Variants in CTNNA2 observed in about 807,000 individuals in gnomAD.
CTNNA2 encodes catenin alpha 2.
Under a neutral mutation model 101.0 loss-of-function variants are expected in CTNNA2, and 42 were observed. The observed-to-expected ratio is 0.42, with a 90% confidence interval of 0.32 to 0.54. CTNNA2 has a LOEUF of 0.54. Among genes scored for constraint, CTNNA2 ranks in the 20% least tolerant of loss-of-function variants. The probability of loss-of-function intolerance (pLI) is 0.14; values close to 1 mark genes in which losing one functional copy is unlikely to be tolerated. For missense variants in CTNNA2, 871 were observed against 1,223.1 expected, an observed-to-expected ratio of 0.71 and a Z score of 4.29; for synonymous variants, 450 against 456.4, an observed-to-expected ratio of 0.99 and a Z score of 0.18.
rs146747686 is a variant in CTNNA2 at position 79,807,426 on chromosome 2, A to G, written c.299-50587A>G. Among the ~76,000 whole-genome samples, 70 of 152,128 alleles carry G rather than the reference A, an allele frequency of 4.6e-4. 1 individual carries two copies. The highest frequency in any genetic ancestry group is 1.7e-3 in the African/African-American group (69 of 41,546). On this transcript the variant is annotated intron_variant, in intron 3 of 18. Coordinates refer to ENST00000402739, the MANE Select transcript of CTNNA2 (RefSeq NM_001282597.3). The stretch of plus-strand genomic sequence containing the variant: ...CTTTTTCCAAAATCTTCATTTTTTC[A>G]TATTAAAAACATATTTCTGCATCTT...
intron 4 of CTNNA2, among the ~76,000 whole-genome samples, chr2:79,384,017 T>A (rs938934274): frequency 6.6e-6 from 1 of 152,088 alleles, no homozygotes; most frequent in African/African-American, 2.4e-5. Context: ...GGGAAGGACG[T>A]AGAGAAATTG....
intron 7 of CTNNA2, among the ~76,000 whole-genome samples, chr2:79,986,621 A>G (rs1691783085): frequency 6.6e-6 from 1 of 152,130 alleles, no homozygotes; most frequent in Admixed American, 6.6e-5. Context: ...ACACTTCCAA[A>G]ATCACTGCCA....
intron 3 of CTNNA2, among the ~76,000 whole-genome samples, chr2:79,835,072 T>C (rs1183451753): frequency 6.6e-6 from 1 of 152,164 alleles, no homozygotes. Context: ...TTAATAAATA[T>C]TGATATCTAT....
At chr2:79,929,343 A>T (rs575119713) in intron 7 of CTNNA2, among the ~76,000 whole-genome samples, 1 of 152,314 alleles carries the variant, frequency 6.6e-6, no homozygotes, top group South Asian at 2.1e-4. Context: ...CTGCCTTCAA[A>T]TATTTAAAGA....
intron 2 of CTNNA2, among the ~76,000 whole-genome samples, chr2:79,677,203 G>T (rs188088933): frequency 1.3e-5 from 2 of 152,176 alleles, no homozygotes; most frequent in Non-Finnish European, 2.9e-5. Flanking sequence ...ACAGGGACAA[G>T]TTCCTGGGAC....
chr2:80,642,835 A>T (rs1673638806), intron 18 of CTNNA2, among the ~76,000 whole-genome samples: 2 of 152,186 alleles, frequency 1.3e-5, no homozygotes. Context: ...AAATGGAAGA[A>T]TCACAATTCA....
At chr2:79,666,406 C>A (rs546590164) in intron 2 of CTNNA2, among the ~76,000 whole-genome samples, 1 of 152,256 alleles carries the variant, frequency 6.6e-6, no homozygotes, top group South Asian at 2.1e-4. Context: ...TTATTAATAG[C>A]AGAATTTGTG....
At chr2:79,975,723 A>G (rs763142403) in intron 7 of CTNNA2, among the ~76,000 whole-genome samples, 6 of 152,238 alleles carry the variant, frequency 3.9e-5, no homozygotes, top group Admixed American at 1.3e-4. Context: ...AAAGATACAG[A>G]TGAATAACCA....
intron 9 of CTNNA2, among the ~76,000 whole-genome samples, chr2:80,427,905 G>T (rs13386215): frequency 0.014 from 2,158 of 152,334 alleles, 39 homozygotes; most frequent in East Asian, 0.074. Flanking sequence ...CATGGGACAT[G>T]CATTCTCTTG....
intron 7 of CTNNA2, among the ~76,000 whole-genome samples, chr2:80,392,724 T>A (rs754122361): frequency 1.3e-5 from 2 of 152,248 alleles, no homozygotes; most frequent in Non-Finnish European, 2.9e-5. Context: ...AAGCATCTCT[T>A]TTGAATTTGA....
intron 4 of CTNNA2, among the ~76,000 whole-genome samples, chr2:79,395,543 A>T (rs1485099184): frequency 6.6e-6 from 1 of 152,192 alleles, no homozygotes; most frequent in Non-Finnish European, 1.5e-5. Context: ...ATGTTGCCTT[A>T]GCACCCTATG....
intron 7 of CTNNA2, among the ~76,000 whole-genome samples, chr2:80,023,965 T>C (rs924779182): frequency 1.6e-4 from 24 of 151,742 alleles, no homozygotes; most frequent in African/African-American, 5.8e-4. Flanking sequence ...TGGGCGCCTG[T>C]AGTCCCAGCT....
rs943380981 is a variant in CTNNA2 at position 80,001,114 on chromosome 2, T to G, written c.1056+91317T>G. On this transcript the variant is annotated intron_variant, in intron 7 of 18. Coordinates refer to ENST00000402739, the MANE Select transcript of CTNNA2 (RefSeq NM_001282597.3). ...TGCTTGATTTCCATTTACACACAACTTTTTTTTGTATATTTGTTTATGTGT... is the reference window on the plus strand; with the variant it reads ...TGCTTGATTTCCATTTACACACAACGTTTTTTTGTATATTTGTTTATGTGT... Among the ~76,000 whole-genome samples, 14 of 152,182 alleles carry G rather than the reference T, an allele frequency of 9.2e-5. No individual in the cohort carries two copies. In the Middle Eastern group the frequency reaches 0.01, roughly 111 times the overall value.
intron 5 of CTNNA2, among the ~76,000 whole-genome samples, chr2:79,870,724 A>C (rs1020372696): frequency 6.6e-6 from 1 of 152,160 alleles, no homozygotes; most frequent in Non-Finnish European, 1.5e-5. Flanking sequence ...CCTTCTTCAC[A>C]AGGTGGCAGG....
chr2:79,752,541 G>A (rs1402452618), intron 3 of CTNNA2, among the ~76,000 whole-genome samples: 1 of 152,226 alleles, frequency 6.6e-6, no homozygotes, highest in African/African-American at 2.4e-5. Flanking sequence ...AATAATTGAT[G>A]TAGGTAGGAA....
chr2:80,605,893 AC>A (rs1030687400), intron 16 of CTNNA2, among the ~76,000 whole-genome samples: 5 of 151,942 alleles, frequency 3.3e-5, no homozygotes, highest in African/African-American at 1.2e-4. Flanking sequence ...TTGAGTGTTA[AC>A]CCATTGCTAT....
chr2:80,134,163 T>C (rs959638236), intron 7 of CTNNA2, among the ~76,000 whole-genome samples: 3 of 152,132 alleles, frequency 2.0e-5, no homozygotes, highest in African/African-American at 7.2e-5. Context: ...CACCCAACAA[T>C]CATTACTAAC....
At position 79,916,825 on chromosome 2, in the gene CTNNA2, G is replaced by A. The variant is rs532821727; in HGVS notation, c.1056+7028G>A. 2.2e-4 allele frequency among the ~76,000 whole-genome samples: 33 copies of A among 151,884 alleles called. No homozygotes were observed. In the East Asian group the frequency reaches 4.9e-3, roughly 23 times the overall value. ...TCTTAGTAGAGACGGGGTTTCACCC[G>A]TGTTAGCGAGGATGGTCTCGATCTC... On this transcript the variant is annotated intron_variant, in intron 7 of 18. Transcript: ENST00000402739.
At chr2:79,585,312 T>G (rs897062651) in intron 1 of CTNNA2, among the ~76,000 whole-genome samples, 3 of 152,196 alleles carry the variant, frequency 2.0e-5, no homozygotes, top group South Asian at 4.1e-4. Flanking sequence ...ATTCTGCCTT[T>G]TCTTTTCTAA....
Sources: allele counts gnomAD v4.1 joint callset (sites outside exome capture counted in the v4.1 genomes callset), GRCh38; gene constraint gnomAD v4.1.1; transcripts MANE v1.5; gene names NCBI Gene and HGNC (gene_info 2026-07-23, HGNC 2026-07-21).